Variants in GCLC observed in about 807,000 individuals in gnomAD.
GCLC encodes glutamate-cysteine ligase catalytic subunit, also known as glutamate--cysteine ligase catalytic subunit.
Under a neutral mutation model 81.5 loss-of-function variants are expected in GCLC, and 30 were observed. That is an observed-to-expected ratio of 0.37 (90% CI 0.28 to 0.50). The LOEUF (loss-of-function observed/expected upper bound fraction) is 0.50, where lower values mean the gene tolerates loss of function less well. GCLC is among the 20% of genes least tolerant of loss of function. The pLI is 0.96. For synonymous variants in GCLC, 262 were observed against 273.3 expected, an observed-to-expected ratio of 0.96 and a Z score of 0.41; for missense variants, 556 against 777.4, an observed-to-expected ratio of 0.72 and a Z score of 3.39.
chr6:53,542,971 T>G (rs1488117871), intron 1 of GCLC, among the ~76,000 whole-genome samples: 1 of 151,996 alleles, frequency 6.6e-6, no homozygotes, highest in African/African-American at 2.4e-5. Context: ...ATCACACCAT[T>G]GCACTCCAGC....
intron 1 of GCLC, 109 bp downstream of exon 1, chr6:53,544,387 G>T: frequency 2.6e-6 from 3 of 1,145,896 alleles, no homozygotes; most frequent in South Asian, 1.3e-5. Context: ...ACCCCCGGGC[G>T]CAGTGGAGAA....
At chr6:53,522,176 G>T (rs1420262783) in intron 2 of GCLC, among the ~76,000 whole-genome samples, 2 of 152,150 alleles carry the variant, frequency 1.3e-5, no homozygotes, top group Non-Finnish European at 2.9e-5. Flanking sequence ...CCTTAGGTAG[G>T]TATTGCTATG....
chr6:53,498,621 A>G lies in GCLC; in HGVS notation c.*135T>C, dbSNP rs1405294861. The G allele has an allele frequency of 1.8e-5, 13 of 710,478 alleles. No homozygotes were observed. Among genetic ancestry groups the G allele is most frequent in the Middle Eastern group, 7.6e-4 (2 of 2,640 alleles). 44.0% of individuals were successfully genotyped at this position (710,478 alleles called of 1,614,324 possible). On this transcript the variant is annotated 3_prime_UTR_variant, in exon 16 of 16. Coordinates refer to ENST00000650454, the MANE Select transcript of GCLC (RefSeq NM_001498.4). ...GATTTACCTACCAAAGAAAGCCTTA[A>G]TCAATTTCTGGCTCACTGGCCCAGA...
intron 2 of GCLC, among the ~76,000 whole-genome samples, chr6:53,521,553 T>C (rs1199007201): frequency 6.6e-6 from 1 of 152,186 alleles, no homozygotes; most frequent in Non-Finnish European, 1.5e-5. Flanking sequence ...TTAAGGGTTC[T>C]TTCAATTCAG....
intron 1 of GCLC, among the ~76,000 whole-genome samples, chr6:53,523,057 GTTAT>G (rs945050285): frequency 6.6e-6 from 1 of 152,184 alleles, no homozygotes; most frequent in African/African-American, 2.4e-5. Context: ...GTGTGGAGAA[GTTAT>G]TTGAGGGGTT....
In GCLC at chr6:53,506,928, C is replaced by T; in HGVS notation, c.1182G>A (p.Glu394=). 1.3e-6 allele frequency: 2 copies of T among 1,561,978 alleles called. No individual in the cohort carries two copies. The highest frequency in any genetic ancestry group is 1.1e-5 in the South Asian group (1 of 90,022). Residue 394 remains glutamate, a synonymous_variant, in exon 10 of 16, where the codon GAG becomes GAA. Coordinates refer to ENST00000650454, the MANE Select transcript of GCLC (RefSeq NM_001498.4). The surrounding 1 kb of genome is among the most constrained non-coding windows in gnomAD (Gnocchi z 4.0). ...GAGAAGATACCTCAAAATGGTCAGA[C>T]TCATTAGCATCATCCAGGTGTATTT... ...EEKIHLDDAN[E]SDHFENIQST...
chr6:53,529,136 T>C (rs1453305586), intron 1 of GCLC, among the ~76,000 whole-genome samples: 1 of 152,290 alleles, frequency 6.6e-6, no homozygotes, highest in Admixed American at 6.5e-5. Flanking sequence ...AACATTTCTC[T>C]TACTGCAGAG....
Position 53,544,554 on chromosome 6 carries a change from AG to A in GCLC, c.91del (p.Leu31CysfsTer71). ...HVRRHGILQF[L>X]HIYHAVKDRH... Reference sequence around the variant, plus strand: ...GTCCTTGACGGCGTGGTAGATGTGCAGGAACTGGAGGATCCCGTGCCGCCGC... The same window carrying A: ...GTCCTTGACGGCGTGGTAGATGTGCAGAACTGGAGGATCCCGTGCCGCCGC... On this transcript the variant is annotated frameshift_variant, in exon 1 of 16. Coordinates refer to ENST00000650454, the MANE Select transcript of GCLC (RefSeq NM_001498.4). LOFTEE classifies it high-confidence loss of function. 6.2e-7 allele frequency: 1 copy of A among 1,608,384 alleles called. No individual in the cohort carries two copies. The highest frequency in any genetic ancestry group is 8.5e-7 in the Non-Finnish European group (1 of 1,179,618).
At chr6:53,543,870 A>C (rs745587529) in intron 1 of GCLC, among the ~76,000 whole-genome samples, 1 of 152,194 alleles carries the variant, frequency 6.6e-6, no homozygotes, top group Non-Finnish European at 1.5e-5. Context: ...TGAAACTCTA[A>C]ATGCATTCCC....
chr6:53,498,577 G>A lies in GCLC; in HGVS notation c.*179C>T. 1.6e-6 allele frequency: 1 copy of A among 636,168 alleles called. No individual in the cohort carries two copies. 39.4% of individuals were successfully genotyped at this position (636,168 alleles called of 1,614,324 possible). On this transcript the variant is annotated 3_prime_UTR_variant, in exon 16 of 16. Transcript: ENST00000650454. ...ATCAAAAATACTTTACTATGTACAT[G>A]TACACTGTATAAACTCTAGATTTAC...
rs374364482 is a variant in GCLC at position 53,509,343 on chromosome 6, G to A, written c.754-93C>T. On this transcript the variant is annotated intron_variant, in intron 6 of 15. Transcript: ENST00000650454. ...GAGAAGGAAGGTGCTGGGCAGAGAGGGGCAAGTTAACAACGCTTCATTAAT... is the reference window on the plus strand; with the variant it reads ...GAGAAGGAAGGTGCTGGGCAGAGAGAGGCAAGTTAACAACGCTTCATTAAT... 78 of 796,278 alleles carry A rather than the reference G, an allele frequency of 9.8e-5. No individual in the cohort carries two copies. The South Asian group carries it at 9.8e-4, about 10-fold the overall frequency. The allele number at this position is 796,278 out of a possible 1,614,324, so 49.3% of individuals were successfully genotyped here.
intron 6 of GCLC, among the ~76,000 whole-genome samples, chr6:53,510,804 T>C (rs1256903593): frequency 6.6e-6 from 1 of 152,202 alleles, no homozygotes; most frequent in Non-Finnish European, 1.5e-5. Flanking sequence ...TATAACCACA[T>C]TTCATGTCAA....
chr6:53,540,838 C>T (rs1763341555), intron 1 of GCLC, among the ~76,000 whole-genome samples: 1 of 152,146 alleles, frequency 6.6e-6, no homozygotes, highest in African/African-American at 2.4e-5. Context: ...TGGTTACAGG[C>T]ATCAGCAAAT....
chr6:53,508,916 T>C (rs1764677668), intron 7 of GCLC, among the ~76,000 whole-genome samples: 1 of 152,210 alleles, frequency 6.6e-6, no homozygotes, highest in South Asian at 2.1e-4. Flanking sequence ...CTCTCTCTAA[T>C]GTGAGGACAT....
intron 4 of GCLC, among the ~76,000 whole-genome samples, chr6:53,515,112 T>C (rs1764841642): frequency 6.6e-6 from 1 of 152,196 alleles, no homozygotes; most frequent in Admixed American, 6.5e-5. Context: ...GAGTAAAGGA[T>C]TACATGGATC....
chr6:53,545,001 C>T lies in GCLC; in HGVS notation c.-356G>A, dbSNP rs1346835655. The T allele has an allele frequency of 3.3e-5, 6 of 179,346 alleles. No homozygotes were observed. The highest frequency in any genetic ancestry group is 3.1e-4 in the Admixed American group (5 of 15,880). The allele number at this position is 179,346 out of a possible 1,614,324, so 11.1% of individuals were successfully genotyped here. The stretch of plus-strand genomic sequence containing the variant: ...CGCGCTGCCGCGGCGGCTCCCGCTT[C>T]TCTTTGCCGGTCTGGTGCACTGGCT... On this transcript the variant is annotated 5_prime_UTR_variant, in exon 1 of 16. Transcript: ENST00000650454.
At chr6:53,509,303 C>T (rs1361565598) in intron 6 of GCLC, 53 bp from the exon 7 acceptor site, 1 of 1,080,590 alleles carries the variant, frequency 9.3e-7, no homozygotes, top group East Asian at 2.4e-5. Flanking sequence ...GCATGCTCCC[C>T]AAGCAGTGAA....
At chr6:53,515,433 C>G (rs144089479) in intron 4 of GCLC, among the ~76,000 whole-genome samples, 2 of 152,220 alleles carry the variant, frequency 1.3e-5, no homozygotes, top group African/African-American at 4.8e-5. Context: ...TTAGAAACTA[C>G]GTCTACAAAT....
intron 11 of GCLC, 102 bp downstream of exon 11, chr6:53,505,701 T>C (rs1764601044): frequency 1.2e-6 from 1 of 808,678 alleles, no homozygotes; most frequent in Non-Finnish European, 2.2e-6. Flanking sequence ...ACTTAATTTT[T>C]ATTTTATATA....
Sources: allele counts gnomAD v4.1 joint callset (sites outside exome capture counted in the v4.1 genomes callset), GRCh38; gene constraint gnomAD v4.1.1; non-coding constraint Gnocchi (gnomAD v3.1); transcripts MANE v1.5; gene names NCBI Gene and HGNC (gene_info 2026-07-23, HGNC 2026-07-21).